The following PAK1 variants were observed in gnomAD, a reference collection of about 807,000 sequenced individuals.
The protein encoded by PAK1 is serine/threonine-protein kinase PAK 1.
Under a neutral mutation model 67.4 loss-of-function variants are expected in PAK1, and 29 were observed. That is an observed-to-expected ratio of 0.43 (90% CI 0.32 to 0.59). PAK1 has a LOEUF of 0.59. Ranked by LOEUF, PAK1 falls within the 20% of genes least tolerant of loss-of-function variation. PAK1 has a pLI of 0.07. For synonymous variants in PAK1, 223 were observed against 237.4 expected, an observed-to-expected ratio of 0.94 and a Z score of 0.56; for missense variants, 337 against 670.7, an observed-to-expected ratio of 0.50 and a Z score of 5.50.
the PAK1 span, among the ~76,000 whole-genome samples, chr11:77,500,939 T>C: frequency 6.6e-6 from 1 of 152,112 alleles, no homozygotes. Flanking sequence ...TGTTCTGCAG[T>C]GTGCAGATCC....
the PAK1 span, among the ~76,000 whole-genome samples, chr11:77,504,655 G>T: frequency 3.3e-5 from 5 of 152,208 alleles, no homozygotes; most frequent in Non-Finnish European, 5.9e-5. Context: ...GTATTATTAT[G>T]AAAGTGGGTT....
chr11:77,331,396 C>T (rs545799222), intron 14 of PAK1, among the ~76,000 whole-genome samples: 5 of 152,300 alleles, frequency 3.3e-5, no homozygotes, highest in African/African-American at 1.2e-4. Flanking sequence ...AAATGTCCAA[C>T]AACGATAGAC....
intron 14 of PAK1, among the ~76,000 whole-genome samples, chr11:77,324,841 T>A (rs557688412): frequency 6.6e-6 from 1 of 152,102 alleles, no homozygotes; most frequent in Non-Finnish European, 1.5e-5. Flanking sequence ...ATACTAATAT[T>A]CTTTGCTGAG....
Position 77,355,805 on chromosome 11 carries a change from G to A in PAK1, c.635C>T (p.Thr212Ile). 2 of 1,613,690 alleles carry A rather than the reference G, an allele frequency of 1.2e-6. No individual in the cohort carries two copies. The highest frequency in any genetic ancestry group is 2.2e-5 in the East Asian group (1 of 44,866). The change falls in exon 7 of 15, where the codon ACT becomes ATT. Residue 212 changes from threonine to isoleucine, a missense_variant. This residue lies in a region of PAK1 where 150 missense variants were observed against 179.0 expected (regional missense o/e 0.84). Transcript: ENST00000356341. Reference protein sequence around the residue: ...TRSVIEPLPVTPTRDVATSPI... With the variant: ...TRSVIEPLPVIPTRDVATSPI... The stretch of plus-strand genomic sequence containing the variant: ...AGATGTAGCCACGTCCCGAGTTGGA[G>A]TGACAGGAAGTGGTTCAATCACAGA...
intron 2 of PAK1, among the ~76,000 whole-genome samples, chr11:77,385,989 G>A (rs1466286287): frequency 1.3e-5 from 2 of 152,314 alleles, no homozygotes; most frequent in East Asian, 3.9e-4. Context: ...GAGAAACTGT[G>A]GTTGAGGTGA....
intron 2 of PAK1, among the ~76,000 whole-genome samples, chr11:77,391,564 A>T (rs1454774322): frequency 6.6e-6 from 1 of 152,126 alleles, no homozygotes; most frequent in Admixed American, 6.5e-5. Context: ...ATATAAGGAG[A>T]ACTTTACTTC....
At chr11:77,440,937 T>C (rs1330045897) in intron 1 of PAK1, among the ~76,000 whole-genome samples, 3 of 152,172 alleles carry the variant, frequency 2.0e-5, no homozygotes, top group Non-Finnish European at 4.4e-5. Flanking sequence ...CTAGATGGGC[T>C]TGGGGATCCA....
chr11:77,445,651 TC>T (rs776378666), intron 1 of PAK1, among the ~76,000 whole-genome samples: 4 of 152,216 alleles, frequency 2.6e-5, no homozygotes, highest in Non-Finnish European at 1.5e-5. Context: ...TTTTCCTACT[TC>T]CCTAATTCTG....
chr11:77,408,531 A>G (rs967358914), intron 1 of PAK1, among the ~76,000 whole-genome samples: 10 of 82,318 alleles, frequency 1.2e-4, no homozygotes, highest in African/African-American at 3.7e-4. Context: ...CTATGGAGAA[A>G]TACACACACA....
At chr11:77,410,383 CAAG>C in intron 1 of PAK1, among the ~76,000 whole-genome samples, 1 of 151,996 alleles carries the variant, frequency 6.6e-6, no homozygotes, top group Non-Finnish European at 1.5e-5. Context: ...AGGCCCAAGG[CAAG>C]GCACAGAGGC....
intron 14 of PAK1, among the ~76,000 whole-genome samples, chr11:77,328,893 T>C (rs1325082866): frequency 6.6e-6 from 1 of 152,010 alleles, no homozygotes; most frequent in Non-Finnish European, 1.5e-5. Flanking sequence ...CTAGCAAGAC[T>C]AATAAAGAAG....
chr11:77,344,288 T>C (rs997583990), intron 9 of PAK1, among the ~76,000 whole-genome samples: 7 of 152,192 alleles, frequency 4.6e-5, no homozygotes, highest in African/African-American at 1.4e-4. Context: ...AGAAAAGAGA[T>C]GCTATAACAG....
At chr11:77,520,585 A>C in the PAK1 span, among the ~76,000 whole-genome samples, 1 of 152,168 alleles carries the variant, frequency 6.6e-6, no homozygotes, top group Non-Finnish European at 1.5e-5. Flanking sequence ...GCCCAATCCT[A>C]AGCCAACCAG....
chr11:77,388,555 G>A (rs1950741344), intron 2 of PAK1, among the ~76,000 whole-genome samples: 4 of 152,238 alleles, frequency 2.6e-5, no homozygotes, highest in South Asian at 2.1e-4. Context: ...GGGTTTCACC[G>A]TGTTAGCCAG....
intron 14 of PAK1, among the ~76,000 whole-genome samples, chr11:77,327,730 C>T (rs1198417421): frequency 3.3e-5 from 5 of 152,186 alleles, no homozygotes; most frequent in African/African-American, 7.2e-5. Flanking sequence ...CACCAACTAA[C>T]GAGCAAAATA....
chr11:77,397,684 A>G (rs1952016369), intron 1 of PAK1, among the ~76,000 whole-genome samples: 1 of 152,238 alleles, frequency 6.6e-6, no homozygotes, highest in Non-Finnish European at 1.5e-5. Context: ...CTCACCAACA[A>G]CTACCTCTTT....
chr11:77,348,401 C>A (rs1224271645), intron 9 of PAK1, among the ~76,000 whole-genome samples: 1 of 152,158 alleles, frequency 6.6e-6, no homozygotes, highest in Non-Finnish European at 1.5e-5. Context: ...GAATATAAGA[C>A]CTTGGGTCAG....
the PAK1 span, among the ~76,000 whole-genome samples, chr11:77,510,604 A>G: frequency 6.6e-6 from 1 of 152,246 alleles, no homozygotes; most frequent in African/African-American, 2.4e-5. Flanking sequence ...CAGTTCAACA[A>G]ATGGAAAGAT....
intron 1 of PAK1, among the ~76,000 whole-genome samples, chr11:77,406,278 C>A (rs933386807): frequency 6.6e-6 from 1 of 152,208 alleles, no homozygotes; most frequent in Non-Finnish European, 1.5e-5. Flanking sequence ...ACTCCACCTG[C>A]GTTTCTCATC....
Sources: allele counts gnomAD v4.1 joint callset (sites outside exome capture counted in the v4.1 genomes callset), GRCh38; gene constraint gnomAD v4.1.1; regional missense constraint gnomAD v4.1.1; transcripts MANE v1.5; gene names NCBI Gene and HGNC (gene_info 2026-07-23, HGNC 2026-07-21).